BTF3L4: variants seen among roughly 807,000 people sequenced by gnomAD.
The protein encoded by BTF3L4 is basic transcription factor 3 like 4.
BTF3L4 carries 6 observed loss-of-function variants against 16.8 expected under a neutral mutation model. That is an observed-to-expected ratio of 0.36 (90% CI 0.20 to 0.71). BTF3L4 has a LOEUF of 0.71. BTF3L4 is among the 30% of genes least tolerant of loss of function. The pLI is 0.58. For synonymous variants in BTF3L4, 39 were observed against 59.8 expected, an observed-to-expected ratio of 0.65 and a Z score of 1.60; for missense variants, 92 against 186.9, an observed-to-expected ratio of 0.49 and a Z score of 2.96.
chr1:52,071,773 TC>T (rs1387108824), intron 3 of BTF3L4, among the ~76,000 whole-genome samples: 5 of 152,180 alleles, frequency 3.3e-5, no homozygotes, highest in African/African-American at 1.2e-4. Context: ...TGCAGTTCCT[TC>T]TTCCTCCAGC....
At chr1:52,062,169 T>G (rs927066089) in intron 2 of BTF3L4, among the ~76,000 whole-genome samples, 3 of 147,892 alleles carry the variant, frequency 2.0e-5, no homozygotes, top group Non-Finnish European at 3.0e-5. Flanking sequence ...TTGCTTGATC[T>G]CCTGACCTCG....
Position 52,090,475 on chromosome 1 carries a change from A to ATT in BTF3L4, c.*3717_*3718insTT, listed in dbSNP as rs1644008838. 1 of 152,118 alleles carries ATT rather than the reference A, an allele frequency of 6.6e-6. No homozygotes were observed. Among genetic ancestry groups the ATT allele is most frequent in the Non-Finnish European group, 1.5e-5 (1 of 68,024 alleles). The allele number at this position is 152,118 out of a possible 1,614,324, so 9.4% of individuals were successfully genotyped here. ...TTGCCTGAATTATTATAGCTTTCTT[A>ATT]ATAGTTTTGTTTATGATCCACTCTC... On this transcript the variant is annotated 3_prime_UTR_variant, in exon 6 of 6. Coordinates refer to ENST00000313334, the MANE Select transcript of BTF3L4 (RefSeq NM_152265.5).
At chr1:52,069,608 A>G (rs1686734348) in intron 3 of BTF3L4, among the ~76,000 whole-genome samples, 1 of 152,200 alleles carries the variant, frequency 6.6e-6, no homozygotes, top group Admixed American at 6.5e-5. Context: ...TTGGCAGTTT[A>G]AAGCAGATAA....
intron 3 of BTF3L4, among the ~76,000 whole-genome samples, chr1:52,072,734 T>C (rs1686820792): frequency 1.3e-5 from 2 of 152,172 alleles, no homozygotes; most frequent in African/African-American, 2.4e-5. Context: ...TGGCATGTTT[T>C]GTATTTAAAA....
At chr1:52,081,106 G>A (rs763922272) in intron 3 of BTF3L4, among the ~76,000 whole-genome samples, 8 of 151,750 alleles carry the variant, frequency 5.3e-5, no homozygotes, top group Non-Finnish European at 1.2e-4. Flanking sequence ...CCAAAGTGTT[G>A]GGATTACAGG....
chr1:52,061,096 T>C (rs1412650499), intron 2 of BTF3L4, among the ~76,000 whole-genome samples: 4 of 152,328 alleles, frequency 2.6e-5, no homozygotes, highest in South Asian at 2.1e-4. Flanking sequence ...GTGAGTGTTA[T>C]AATGAAGTAC....
chr1:52,078,403 C>A (rs536101009), intron 3 of BTF3L4, among the ~76,000 whole-genome samples: 1 of 152,104 alleles, frequency 6.6e-6, no homozygotes, highest in Admixed American at 6.6e-5. Context: ...TCCATTCATT[C>A]ATTCAGCAGA....
At chr1:52,070,567 A>AC (rs537053124) in intron 3 of BTF3L4, among the ~76,000 whole-genome samples, 10 of 150,444 alleles carry the variant, frequency 6.6e-5, no homozygotes, top group Non-Finnish European at 1.2e-4. Context: ...CAAAAAAAAA[A>AC]AAAACAAAAC....
Position 52,064,861 on chromosome 1 carries a change from A to G in BTF3L4, c.91A>G (p.Thr31Ala). Residue 31 changes from threonine (T) to alanine (A), a missense_variant, in exon 3 of 6, where the codon ACA becomes GCA. Thr to Ala is a moderately conservative substitution (Grantham distance 58, BLOSUM62 0). Transcript: ENST00000313334. ...CAGAAAGAAGAAGGTGGTACATAGA[A>G]CAGCCACAGCTGATGACAAAAAGCT... ...ARRKKKVVHR[T>A]ATADDKKLQS... 6.2e-7 allele frequency: 1 copy of G among 1,612,776 alleles called. No homozygotes were observed. The highest frequency in any genetic ancestry group is 8.5e-7 in the Non-Finnish European group (1 of 1,179,696).
chr1:52,083,214 C>T (rs1643941039), intron 3 of BTF3L4, 126 bp from the exon 4 acceptor site: 2 of 723,516 alleles, frequency 2.8e-6, no homozygotes, highest in Non-Finnish European at 4.7e-6. Context: ...GTTGCTTGGC[C>T]AGTTACTACC....
At chr1:52,072,771 A>G (rs143562823) in intron 3 of BTF3L4, among the ~76,000 whole-genome samples, 4 of 152,288 alleles carry the variant, frequency 2.6e-5, no homozygotes, top group African/African-American at 9.6e-5. Flanking sequence ...ACATAAAAAT[A>G]TATTGCCGGA....
chr1:52,066,446 C>G (rs910450598), intron 3 of BTF3L4, among the ~76,000 whole-genome samples: 5 of 151,412 alleles, frequency 3.3e-5, no homozygotes, highest in Non-Finnish European at 5.9e-5. Context: ...AAATAATCTG[C>G]CCACCTTGGC....
At chr1:52,064,706 A>G (rs1686602518) in intron 2 of BTF3L4, 119 bp from the exon 3 acceptor site, 1 of 568,000 alleles carries the variant, frequency 1.8e-6, no homozygotes, top group South Asian at 2.6e-5. Context: ...AACATTAATC[A>G]TTATTATTTT....
chr1:52,074,112 C>G (rs1362827060), intron 3 of BTF3L4, among the ~76,000 whole-genome samples: 1 of 151,976 alleles, frequency 6.6e-6, no homozygotes, highest in Non-Finnish European at 1.5e-5. Context: ...CTGCAGTGAG[C>G]TGTGATCTCA....
intron 3 of BTF3L4, among the ~76,000 whole-genome samples, chr1:52,071,791 C>T (rs1042699954): frequency 1.3e-5 from 2 of 152,104 alleles, no homozygotes; most frequent in Non-Finnish European, 2.9e-5. Context: ...CAGCTAGAGC[C>T]TCAGGTGCCC....
At chr1:52,078,197 CAT>C (rs1686977932) in intron 3 of BTF3L4, among the ~76,000 whole-genome samples, 2 of 150,174 alleles carry the variant, frequency 1.3e-5, no homozygotes, top group Admixed American at 1.3e-4. Flanking sequence ...AGACTATAGA[CAT>C]GTACCACCAT....
At position 52,088,241 on chromosome 1, in the gene BTF3L4, A is replaced by G. The variant is rs1260755647; in HGVS notation, c.*1483A>G. 6.6e-6 allele frequency: 1 copy of G among 152,608 alleles called. No homozygotes were observed. The highest frequency in any genetic ancestry group is 6.6e-5 in the Admixed American group (1 of 15,266). 9.5% of individuals were successfully genotyped at this position (152,608 alleles called of 1,614,324 possible). ...TGATATCTAAGGTGCAAGACCAACAATATATTAAGAGATCTGTAGACATGA... is the reference window on the plus strand; with the variant it reads ...TGATATCTAAGGTGCAAGACCAACAGTATATTAAGAGATCTGTAGACATGA... On this transcript the variant is annotated 3_prime_UTR_variant, in exon 6 of 6. Coordinates refer to ENST00000313334, the MANE Select transcript of BTF3L4 (RefSeq NM_152265.5).
intron 3 of BTF3L4, among the ~76,000 whole-genome samples, chr1:52,068,125 T>C (rs1686699928): frequency 6.6e-6 from 1 of 152,218 alleles, no homozygotes; most frequent in African/African-American, 2.4e-5. Flanking sequence ...GTAAAACTTT[T>C]AGTGTAGGGG....
At chr1:52,084,739 C>T (rs1643954676) in intron 4 of BTF3L4, among the ~76,000 whole-genome samples, 1 of 150,316 alleles carries the variant, frequency 6.7e-6, no homozygotes, top group African/African-American at 2.5e-5. Context: ...CTGCAGTGAG[C>T]TATGGAAAGC....
Sources: allele counts gnomAD v4.1 joint callset (sites outside exome capture counted in the v4.1 genomes callset), GRCh38; gene constraint gnomAD v4.1.1; transcripts MANE v1.5; gene names NCBI Gene and HGNC (gene_info 2026-07-23, HGNC 2026-07-21).